Variants in HEMK2 observed in about 807,000 individuals in gnomAD.
HEMK2 encodes the protein methyltransferase HEMK2.
the HEMK2 span, among the ~76,000 whole-genome samples, chr21:28,829,117 A>C: frequency 1.3e-3 from 198 of 152,308 alleles, no homozygotes; most frequent in Non-Finnish European, 2.5e-3. Flanking sequence ...GATCCTCAAC[A>C]ATCTTCATTT....
At chr21:28,604,505 G>A in the HEMK2 span, among the ~76,000 whole-genome samples, 1 of 152,210 alleles carries the variant, frequency 6.6e-6, no homozygotes, top group Admixed American at 6.5e-5. Flanking sequence ...GAACTTTCCA[G>A]GTGAGTAACA....
At chr21:28,575,728 C>T in the HEMK2 span, among the ~76,000 whole-genome samples, 4 of 152,168 alleles carry the variant, frequency 2.6e-5, no homozygotes, top group Non-Finnish European at 5.9e-5. Context: ...AAGACACAGA[C>T]ATTTCCATCA....
chr21:28,849,300 T>C, the HEMK2 span, among the ~76,000 whole-genome samples: 1 of 151,720 alleles, frequency 6.6e-6, no homozygotes, highest in South Asian at 2.1e-4. Flanking sequence ...GAACCCACAT[T>C]ATACTACAAT....
At chr21:28,644,818 C>T in the HEMK2 span, among the ~76,000 whole-genome samples, 4 of 152,158 alleles carry the variant, frequency 2.6e-5, 1 homozygote, top group Non-Finnish European at 5.9e-5. Context: ...TACTGGAAAT[C>T]TAATTTTTTG....
At chr21:28,818,171 G>A in the HEMK2 span, among the ~76,000 whole-genome samples, 1 of 152,144 alleles carries the variant, frequency 6.6e-6, no homozygotes, top group South Asian at 2.1e-4. Flanking sequence ...ATAAAAAGCA[G>A]GCAGAAGAAC....
chr21:28,866,175 A>AAAAAAAACC, the HEMK2 span, among the ~76,000 whole-genome samples: 2 of 76,234 alleles, frequency 2.6e-5, no homozygotes, highest in Non-Finnish European at 5.0e-5. Flanking sequence ...CAAAAAAAAA[A>AAAAAAAACC]ACACACACAC....
At chr21:28,831,916 A>G in the HEMK2 span, among the ~76,000 whole-genome samples, 1 of 152,010 alleles carries the variant, frequency 6.6e-6, no homozygotes, top group Non-Finnish European at 1.5e-5. Flanking sequence ...TGTTTAATTC[A>G]GATTTTGTAA....
At chr21:28,620,277 C>G in the HEMK2 span, among the ~76,000 whole-genome samples, 2 of 152,098 alleles carry the variant, frequency 1.3e-5, no homozygotes, top group Non-Finnish European at 2.9e-5. Flanking sequence ...ATGATGCAGT[C>G]TCACAAAATG....
At chr21:28,654,377 C>G in the HEMK2 span, among the ~76,000 whole-genome samples, 1 of 152,086 alleles carries the variant, frequency 6.6e-6, no homozygotes, top group African/African-American at 2.4e-5. Flanking sequence ...CCAGCATTTT[C>G]TTTCTTTCTC....
chr21:28,828,503 G>A, the HEMK2 span, among the ~76,000 whole-genome samples: 1 of 152,154 alleles, frequency 6.6e-6, no homozygotes, highest in Non-Finnish European at 1.5e-5. Flanking sequence ...CACCAGTTCC[G>A]AACAACACAT....
the HEMK2 span, among the ~76,000 whole-genome samples, chr21:28,766,557 T>G: frequency 6.6e-6 from 1 of 152,018 alleles, no homozygotes; most frequent in Admixed American, 6.6e-5. Flanking sequence ...TGCACACTCA[T>G]GTTTAAGGCA....
At chr21:28,616,769 A>G in the HEMK2 span, among the ~76,000 whole-genome samples, 7 of 152,322 alleles carry the variant, frequency 4.6e-5, no homozygotes, top group Non-Finnish European at 1.0e-4. Flanking sequence ...TTGCTATTCT[A>G]GTTTCTCATT....
At chr21:28,866,171 A>AC in the HEMK2 span, among the ~76,000 whole-genome samples, 1 of 130,658 alleles carries the variant, frequency 7.7e-6, no homozygotes, top group African/African-American at 3.1e-5. Flanking sequence ...CAAACAAAAA[A>AC]AAAAACACAC....
the HEMK2 span, chr21:28,626,704 T>TA: frequency 2.6e-5 from 4 of 151,938 alleles, no homozygotes; most frequent in African/African-American, 7.2e-5. Context: ...TGAAATAAGT[T>TA]AAAAATTTTT....
chr21:28,649,758 G>A, the HEMK2 span, among the ~76,000 whole-genome samples: 1 of 152,034 alleles, frequency 6.6e-6, no homozygotes, highest in Admixed American at 6.6e-5. Flanking sequence ...AGAGGCCAAG[G>A]GAACAACAAA....
chr21:28,790,923 T>A, the HEMK2 span, among the ~76,000 whole-genome samples: 1 of 151,302 alleles, frequency 6.6e-6, no homozygotes, highest in African/African-American at 2.4e-5. Context: ...CATGGCACAT[T>A]TATACATATG....
chr21:28,766,841 C>T, the HEMK2 span, among the ~76,000 whole-genome samples: 2 of 152,008 alleles, frequency 1.3e-5, no homozygotes, highest in Admixed American at 1.3e-4. Context: ...ACTTTAGGGA[C>T]TCAGGGATGA....
At chr21:28,607,439 A>T in the HEMK2 span, among the ~76,000 whole-genome samples, 9 of 152,156 alleles carry the variant, frequency 5.9e-5, no homozygotes, top group African/African-American at 1.7e-4. Flanking sequence ...TAATACATAC[A>T]TCAATAAATA....
chr21:28,836,642 C>G, the HEMK2 span, among the ~76,000 whole-genome samples: 1 of 152,064 alleles, frequency 6.6e-6, no homozygotes, highest in African/African-American at 2.4e-5. Context: ...ACAATGAATG[C>G]AATGGTACCT....
Sources: allele counts gnomAD v4.1 joint callset (sites outside exome capture counted in the v4.1 genomes callset), GRCh38; gene constraint gnomAD v4.1.1; transcripts MANE v1.5; gene names NCBI Gene and HGNC (gene_info 2026-07-23, HGNC 2026-07-21).